Variants in PPP1R18 observed in about 807,000 individuals in gnomAD.
PPP1R18 encodes protein phosphatase 1 regulatory subunit 18, also known as phostensin.
PPP1R18 carries 31 observed loss-of-function variants against 54.8 expected under a neutral mutation model. That is an observed-to-expected ratio of 0.57 (90% CI 0.43 to 0.76). The LOEUF (loss-of-function observed/expected upper bound fraction) is 0.76, where lower values mean the gene tolerates loss of function less well. PPP1R18 is among the 30% of genes least tolerant of loss of function. The probability of loss-of-function intolerance (pLI) is 0.00; values close to 1 mark genes in which losing one functional copy is unlikely to be tolerated. For synonymous variants in PPP1R18, 310 were observed against 320.2 expected (o/e 0.97, Z 0.34); for missense variants, 685 against 776.1 (o/e 0.88, Z 1.39).
In PPP1R18 at chr6:30,682,232, G is replaced by C. The variant is rs755387726; in HGVS notation, c.1611+2176C>G. 1.6e-3 allele frequency among the ~76,000 whole-genome samples: 249 copies of C among 152,128 alleles called. 2 individuals are homozygous for C. The highest frequency in any genetic ancestry group is 2.0e-3 in the Non-Finnish European group (136 of 67,992). On this transcript the variant is annotated intron_variant, in intron 1 of 2. Transcript: ENST00000274853. ...AAATGCACAGCCTGCATGGGAGTGG[G>C]GGGGTAGAGAGGGGGTGACTCACTC...
intron 1 of PPP1R18, among the ~76,000 whole-genome samples, chr6:30,680,983 G>A (rs1205006851): frequency 6.6e-6 from 1 of 151,614 alleles, no homozygotes; most frequent in African/African-American, 2.4e-5. Context: ...TACTCGAGAG[G>A]ACGAGGCAGG....
At position 30,685,910 on chromosome 6, in the gene PPP1R18, G is replaced by A; in HGVS notation, c.109C>T (p.Pro37Ser). 1.2e-6 allele frequency: 2 copies of A among 1,609,956 alleles called. No individual in the cohort carries two copies. Among genetic ancestry groups the A allele is most frequent in the East Asian group, 2.2e-5 (1 of 44,886 alleles). ...KAERERLSQM[P>S]AWKRGLLERR... ...TCCAGGAGCCCTCGTTTCCAGGCTG[G>A]CATCTGGGACAGGCGCTCCCGTTCT... The change falls in exon 1 of 3, where the codon CCA becomes TCA. Residue 37 changes from proline to serine, a missense_variant. Physicochemically the swap from Pro to Ser is moderately conservative, Grantham distance 74 (BLOSUM62 -1). Coordinates refer to ENST00000274853, the MANE Select transcript of PPP1R18 (RefSeq NM_133471.4). The surrounding 1 kb of genome is among the most constrained non-coding windows in gnomAD (Gnocchi z 5.0).
chr6:30,684,994 C>T lies in PPP1R18; in HGVS notation c.1025G>A (p.Arg342Gln), dbSNP rs1039568655. The T allele has an allele frequency of 8.1e-6, 13 of 1,613,132 alleles. No homozygotes were observed. Among genetic ancestry groups the T allele is most frequent in the Middle Eastern group, 1.6e-4 (1 of 6,062 alleles). Residue 342 changes from arginine (R) to glutamine (Q), a missense_variant, in exon 1 of 3, where the codon CGA becomes CAA. Coordinates refer to ENST00000274853, the MANE Select transcript of PPP1R18 (RefSeq NM_133471.4). The surrounding 1 kb of genome is among the most constrained non-coding windows in gnomAD (Gnocchi z 6.0). ...CTCTATGTCCCTGGGTGTCCATTCT[C>T]GAGCCTTCCCGGAGTTCAGGGTCCA... Reference protein sequence around the residue: ...WKWTLNSGKAREWTPRDIEAQ... With the variant: ...WKWTLNSGKAQEWTPRDIEAQ...
At position 30,685,677 on chromosome 6, in the gene PPP1R18, A is replaced by G. The variant is rs1383308778; in HGVS notation, c.342T>C (p.Pro114=). The G allele has an allele frequency of 8.1e-6, 13 of 1,613,082 alleles. No homozygotes were observed. Among genetic ancestry groups the G allele is most frequent in the East Asian group, 2.2e-5 (1 of 44,886 alleles). The change falls in exon 1 of 3, where the codon CCT becomes CCC. Residue 114 remains proline, a synonymous_variant. Coordinates refer to ENST00000274853, the MANE Select transcript of PPP1R18 (RefSeq NM_133471.4). This position sits in a 1 kb window ranked among gnomAD's most constrained non-coding sequence, Gnocchi z 5.0. ...TCCGCTCCCGGGCCTCCAGAGGCCC[A>G]GGCTTTCTCTCTGCTAGCAGCTCTT... ...RSEELLAERK[P]GPLEARERRP...
At chr6:30,680,360 G>A (rs1770472983) in intron 1 of PPP1R18, among the ~76,000 whole-genome samples, 1 of 152,188 alleles carries the variant, frequency 6.6e-6, no homozygotes, top group Non-Finnish European at 1.5e-5. Flanking sequence ...GGAGACAGCA[G>A]GAGGATTCCA....
chr6:30,685,478 C>G lies in PPP1R18; in HGVS notation c.541G>C (p.Asp181His), dbSNP rs777294287. Reference protein sequence around the residue: ...DWRQSPGEVGDRSSRLSEAWK... With the variant: ...DWRQSPGEVGHRSSRLSEAWK... ...GCCTCTGACAGTCGGGAGCTCCTGT[C>G]TCCCACCTCTCCTGGGCTTTGCCTC... Residue 181 changes from aspartate (D) to histidine (H), a missense_variant, in exon 1 of 3, where the codon GAC (aspartate) becomes CAC (histidine). Transcript: ENST00000274853. The surrounding 1 kb of genome is among the most constrained non-coding windows in gnomAD (Gnocchi z 5.0). The G allele has an allele frequency of 3.7e-6, 6 of 1,612,948 alleles. No homozygotes were observed. In the Admixed American group the frequency reaches 1.0e-4, roughly 27 times the overall value.
chr6:30,684,965 G>T lies in PPP1R18; in HGVS notation c.1054C>A (p.Gln352Lys). ...TCTGGAGGTTCTGGTTTCTGAGTTT[G>T]AGCCTCTATGTCCCTGGGTGTCCAT... is the stretch of plus-strand genomic sequence containing the variant. Reference protein sequence around the residue: ...REWTPRDIEAQTQKPEPPESA... With the variant: ...REWTPRDIEAKTQKPEPPESA... Residue 352 changes from glutamine to lysine, a missense_variant, in exon 1 of 3, where the codon CAA (glutamine) becomes AAA (lysine). Gln to Lys is a moderately conservative substitution (Grantham distance 53). Transcript: ENST00000274853. The surrounding 1 kb of genome is among the most constrained non-coding windows in gnomAD (Gnocchi z 6.0). 1 of 1,613,102 alleles carries T rather than the reference G, an allele frequency of 6.2e-7. No homozygotes were observed. Among genetic ancestry groups the T allele is most frequent in the Non-Finnish European group, 8.5e-7 (1 of 1,180,004 alleles).
Position 30,685,904 on chromosome 6 carries a change from A to T in PPP1R18, c.115T>A (p.Trp39Arg). ...CGGCGCTCCAGGAGCCCTCGTTTCCAGGCTGGCATCTGGGACAGGCGCTCC... is the reference window on the plus strand; with the variant it reads ...CGGCGCTCCAGGAGCCCTCGTTTCCTGGCTGGCATCTGGGACAGGCGCTCC... The part of the protein sequence containing the change: ...ERERLSQMPA[W>R]KRGLLERRRA... The change falls in exon 1 of 3, where the codon TGG becomes AGG. Residue 39 changes from tryptophan (W) to arginine (R), a missense_variant. Trp to Arg is a moderately radical substitution (Grantham distance 101). Coordinates refer to ENST00000274853, the MANE Select transcript of PPP1R18 (RefSeq NM_133471.4). The surrounding 1 kb of genome is among the most constrained non-coding windows in gnomAD (Gnocchi z 5.0). 6.2e-7 allele frequency: 1 copy of T among 1,610,338 alleles called. No homozygotes were observed. Among genetic ancestry groups the T allele is most frequent in the South Asian group, 1.1e-5 (1 of 91,078 alleles).
At position 30,684,628 on chromosome 6, in the gene PPP1R18, GC is replaced by G; in HGVS notation, c.1390del (p.Ala464ProfsTer142). 6 of 1,545,936 alleles carry G rather than the reference GC, an allele frequency of 3.9e-6. No individual in the cohort carries two copies. Among genetic ancestry groups the G allele is most frequent in the Non-Finnish European group, 4.4e-6 (5 of 1,144,850 alleles). ...GAAGGTGTGTCCACTGCGGCGGGGG[GC>G]CCCCACCCCTGGCCCTGCCTTCACC... ...YGVKAGPGVG[A>X]PRRSGHTFTV... On this transcript the variant is annotated frameshift_variant, in exon 1 of 3. Coordinates refer to ENST00000274853, the MANE Select transcript of PPP1R18 (RefSeq NM_133471.4). LOFTEE classifies it high-confidence loss of function. The surrounding 1 kb of genome is among the most constrained non-coding windows in gnomAD (Gnocchi z 6.0).
In PPP1R18 at chr6:30,685,771, C is replaced by T; in HGVS notation, c.248G>A (p.Gly83Glu). Residue 83 changes from glycine to glutamate, a missense_variant, in exon 1 of 3, where the codon GGG becomes GAG. Gly to Glu is a moderately conservative substitution (Grantham distance 98, BLOSUM62 -2). Coordinates refer to ENST00000274853, the MANE Select transcript of PPP1R18 (RefSeq NM_133471.4). The surrounding 1 kb of genome is among the most constrained non-coding windows in gnomAD (Gnocchi z 5.0). ...DESAVLLEAI[G>E]PVHQNRFIRQ... ...GATGAATCGGTTCTGGTGCACTGGC[C>T]CGATGGCCTCCAGAAGGACCGCAGA... The T allele has an allele frequency of 6.2e-7, 1 of 1,613,026 alleles. No individual in the cohort carries two copies.
chr6:30,688,219 G>T, upstream of PPP1R18: 1 of 186,074 alleles, frequency 5.4e-6, no homozygotes, highest in Admixed American at 5.4e-5. The surrounding 1 kb of genome is among the most constrained non-coding windows in gnomAD (Gnocchi z 5.9). Context: ...GGTGAGGCAA[G>T]GTTGGGGCCT....
At position 30,677,003 on chromosome 6, in the gene PPP1R18, C is replaced by G; in HGVS notation, c.*266G>C. On this transcript the variant is annotated 3_prime_UTR_variant, in exon 3 of 3. Coordinates refer to ENST00000274853, the MANE Select transcript of PPP1R18 (RefSeq NM_133471.4). Reference sequence around the variant, plus strand: ...TCTCCACCCTCCAGGGAGTTCTGTGCCCCTTCTCAGGACTTGGCGCTCACT... The same window carrying G: ...TCTCCACCCTCCAGGGAGTTCTGTGGCCCTTCTCAGGACTTGGCGCTCACT... 1 of 625,940 alleles carries G rather than the reference C, an allele frequency of 1.6e-6. No individual in the cohort carries two copies. Among genetic ancestry groups the G allele is most frequent in the South Asian group, 1.7e-5 (1 of 57,660 alleles). 38.8% of individuals were successfully genotyped at this position (625,940 alleles called of 1,614,324 possible). A position where few individuals can be genotyped will look rare whatever the true frequency, so the allele number is the denominator to read the frequency against.
At chr6:30,679,425 T>A in intron 1 of PPP1R18, 36 bp from the exon 2 acceptor site, 1 of 1,100,532 alleles carries the variant, frequency 9.1e-7, no homozygotes, top group Non-Finnish European at 1.2e-6. Flanking sequence ...GGAGGCAAGG[T>A]CAGCAGGGGA....
intron 2 of PPP1R18, among the ~76,000 whole-genome samples, chr6:30,678,785 G>A: frequency 6.6e-6 from 1 of 152,010 alleles, no homozygotes; most frequent in Admixed American, 6.6e-5. Flanking sequence ...TTGGCTTCCC[G>A]AAGTGCTGGG....
rs1470601248 is a variant in PPP1R18 at position 30,685,663 on chromosome 6, G to T, written c.356C>A (p.Ala119Asp). Residue 119 changes from alanine to aspartate, a missense_variant, in exon 1 of 3, where the codon GCC (alanine) becomes GAC (aspartate). By Grantham distance (126) the Ala-to-Asp change is moderately radical. Transcript: ENST00000274853. This position sits in a 1 kb window ranked among gnomAD's most constrained non-coding sequence, Gnocchi z 5.0. ...CCCAGGGCTGGGTCTCCGCTCCCGGGCCTCCAGAGGCCCAGGCTTTCTCTC... is the reference window on the plus strand; with the variant it reads ...CCCAGGGCTGGGTCTCCGCTCCCGGTCCTCCAGAGGCCCAGGCTTTCTCTC... ...LAERKPGPLE[A>D]RERRPSPGEM... 1 of 1,613,050 alleles carries T rather than the reference G, an allele frequency of 6.2e-7. No homozygotes were observed. The highest frequency in any genetic ancestry group is 1.1e-5 in the South Asian group (1 of 91,082).
At chr6:30,679,523 T>TGG (rs1770416059) in intron 1 of PPP1R18, 134 bp from the exon 2 acceptor site, 2 of 79,622 alleles carry the variant, frequency 2.5e-5, no homozygotes, top group Non-Finnish European at 4.7e-5. Flanking sequence ...AACGTGGGGG[T>TGG]GGGGGCTGGA....
In PPP1R18 at chr6:30,685,200, C is replaced by T. The variant is rs148416074; in HGVS notation, c.819G>A (p.Ser273=). 4.8e-5 allele frequency: 78 copies of T among 1,613,056 alleles called. No individual in the cohort carries two copies. The highest frequency in any genetic ancestry group is 5.7e-5 in the Non-Finnish European group (67 of 1,180,026). The change falls in exon 1 of 3, where the codon TCG becomes TCA. Residue 273 remains serine, a synonymous_variant. Transcript: ENST00000274853. This position sits in a 1 kb window ranked among gnomAD's most constrained non-coding sequence, Gnocchi z 5.0. ...LRSGEERQDY[S]EECGRKEEWP... Reference sequence around the variant, plus strand: ...ACTCTTCTTTTCTCCCACATTCTTCCGAGTAGTCTTGTCTTTCTTCTCCTG... The same window carrying T: ...ACTCTTCTTTTCTCCCACATTCTTCTGAGTAGTCTTGTCTTTCTTCTCCTG...
Position 30,684,293 on chromosome 6 carries a change from A to G in PPP1R18, c.1611+115T>C, listed in dbSNP as rs1032519872. On this transcript the variant is annotated intron_variant, in intron 1 of 2. Coordinates refer to ENST00000274853, the MANE Select transcript of PPP1R18 (RefSeq NM_133471.4). This position sits in a 1 kb window ranked among gnomAD's most constrained non-coding sequence, Gnocchi z 6.0. ...GCGAGGAAGGGTGGTGGCAGGAATT[A>G]ACAAGAAAGAATAGAGGAAGACAAG... 1.9e-6 allele frequency: 2 copies of G among 1,076,720 alleles called. No individual in the cohort carries two copies. The allele number at this position is 1,076,720 out of a possible 1,614,324, so 66.7% of individuals were successfully genotyped here.
chr6:30,681,444 ATATAT>A (rs1370255560), intron 1 of PPP1R18, among the ~76,000 whole-genome samples: 4 of 151,866 alleles, frequency 2.6e-5, no homozygotes, highest in Non-Finnish European at 5.9e-5. Context: ...TAATTTACTA[ATATAT>A]TATACTCATG....
Sources: allele counts gnomAD v4.1 joint callset (sites outside exome capture counted in the v4.1 genomes callset), GRCh38; gene constraint gnomAD v4.1.1; non-coding constraint Gnocchi (gnomAD v3.1); transcripts MANE v1.5; gene names NCBI Gene and HGNC (gene_info 2026-07-23, HGNC 2026-07-21).